Variants in KANSL1 observed in about 807,000 individuals in gnomAD.
KANSL1 encodes MLL1/MLL complex subunit KANSL1.
Under a neutral mutation model 103.6 loss-of-function variants are expected in KANSL1, and 22 were observed. The observed-to-expected ratio is 0.21, with a 90% CI of 0.15 to 0.30. The LOEUF is 0.30. KANSL1 is among the 10% of genes least tolerant of loss of function. The pLI, the probability that KANSL1 is intolerant of heterozygous loss-of-function variation, is 1.00. For synonymous variants in KANSL1, 600 were observed against 527.6 expected (o/e 1.14, Z -1.88); for missense variants, 1,337 against 1,399.8 (o/e 0.96, Z 0.72).
At chr17:46,056,262 G>T (rs572793281) in intron 6 of KANSL1, among the ~76,000 whole-genome samples, 2 of 151,992 alleles carry the variant, frequency 1.3e-5, no homozygotes, top group Non-Finnish European at 2.9e-5. Flanking sequence ...GCCTCCCAAA[G>T]TGCTAGAATA....
chr17:46,066,565 G>A lies in KANSL1; in HGVS notation c.1820C>T (p.Pro607Leu), dbSNP rs1461203997. ...LSCKKRRLVRPNSIVPLSKKV... is the reference protein window; with the variant it reads ...LSCKKRRLVRLNSIVPLSKKV... ...CTTGGAAAGAGGAACGATGCTGTTG[G>A]GTCGAACAAGCCTCCGCTTCTTACA... The change falls in exon 6 of 15, where the codon CCC becomes CTC. Residue 607 changes from proline to leucine, a missense_variant. By Grantham distance (98) the Pro-to-Leu change is moderately conservative. Around this residue, in one of 2 missense-constraint regions of KANSL1, gnomAD observed 780 missense variants for 923.4 expected, o/e 0.84. Transcript: ENST00000432791. The A allele has an allele frequency of 6.2e-7, 1 of 1,613,302 alleles. No individual in the cohort carries two copies. The highest frequency in any genetic ancestry group is 1.3e-5 in the African/African-American group (1 of 74,908).
intron 2 of KANSL1, among the ~76,000 whole-genome samples, chr17:46,140,600 T>G (rs1344706269): frequency 6.6e-6 from 1 of 151,880 alleles, no homozygotes. Flanking sequence ...AAAATGAGAA[T>G]ACAATCCACA....
intron 2 of KANSL1, among the ~76,000 whole-genome samples, chr17:46,126,925 A>C (rs1302623267): frequency 6.8e-6 from 1 of 147,498 alleles, no homozygotes; most frequent in African/African-American, 2.4e-5. Context: ...ATCATTAGCC[A>C]AACTGTAACC....
chr17:46,125,878 G>C (rs369717582), intron 2 of KANSL1, among the ~76,000 whole-genome samples: 1 of 152,146 alleles, frequency 6.6e-6, no homozygotes, highest in Non-Finnish European at 1.5e-5. Context: ...ACTAAAAATA[G>C]TTACCTCTTA....
Position 46,064,053 on chromosome 17 carries a change from T to TAAAA in KANSL1, c.1848+2480_1848+2483dup, listed in dbSNP as rs58111244. ...TCTTTTAGAGATATACGACTATTAG[T>TAAAA]AAAAAAAAAAAAAAAAAACAAAAAA... On this transcript the variant is annotated intron_variant, in intron 6 of 14. Transcript: ENST00000432791. Among the ~76,000 whole-genome samples the TAAAA allele has an allele frequency of 1.3e-3, 134 of 105,712 alleles. 1 individual carries two copies. Among genetic ancestry groups the TAAAA allele is most frequent in the African/African-American group, 4.2e-3 (120 of 28,644 alleles). The allele number at this position is 105,712 out of a possible 152,430, so 69.4% of individuals were successfully genotyped here. A position where few individuals can be genotyped will look rare whatever the true frequency, so the allele number is the denominator to read the frequency against.
chr17:46,193,479 A>C (rs1203508341), upstream of KANSL1: 1 of 150,344 alleles, frequency 6.7e-6, no homozygotes, highest in Non-Finnish European at 1.5e-5. Context: ...GAGGAGGGAC[A>C]GCAGCGCCTC....
chr17:46,087,318 G>A (rs967468255), intron 3 of KANSL1, among the ~76,000 whole-genome samples: 2 of 152,156 alleles, frequency 1.3e-5, no homozygotes, highest in Non-Finnish European at 2.9e-5. Context: ...CCCAAGATAT[G>A]TAAGTTCACT....
At chr17:46,035,948 A>G (rs571330593) in intron 10 of KANSL1, 1 of 151,986 alleles carries the variant, frequency 6.6e-6, no homozygotes, top group South Asian at 2.1e-4. Context: ...TTAGAGCCAG[A>G]GATAGAGAGC....
At position 46,034,208 on chromosome 17, in the gene KANSL1, T is replaced by TG. The variant is rs1408738088; in HGVS notation, c.2618dup (p.Thr874AsnfsTer21). Reference sequence around the variant, plus strand: ...ATTGCAGTTTCTCTACGCGAGTTGTTGCAGCAACAGACATTGGGATGACAA... The same window carrying TG: ...ATTGCAGTTTCTCTACGCGAGTTGTTGGCAGCAACAGACATTGGGATGACAA... On this transcript the variant is annotated frameshift_variant, in exon 11 of 15. Transcript: ENST00000432791. LOFTEE classifies it high-confidence loss of function. 6.2e-7 allele frequency: 1 copy of TG among 1,614,060 alleles called. No individual in the cohort carries two copies. Among genetic ancestry groups the TG allele is most frequent in the Non-Finnish European group, 8.5e-7 (1 of 1,180,032 alleles).
At chr17:46,190,055 C>T (rs575092051) in intron 1 of KANSL1, among the ~76,000 whole-genome samples, 1 of 152,292 alleles carries the variant, frequency 6.6e-6, no homozygotes, top group East Asian at 1.9e-4. Flanking sequence ...CAAATCAGGT[C>T]ATAACGAACA....
chr17:46,066,551 G>T lies in KANSL1; in HGVS notation c.1834C>A (p.Pro612Thr). 1 of 1,612,258 alleles carries T rather than the reference G, an allele frequency of 6.2e-7. No individual in the cohort carries two copies. ...RRLVRPNSIV[P>T]LSKKVHRNST... Reference sequence around the variant, plus strand: ...TCTGTACCGACCTTCTTGGAAAGAGGAACGATGCTGTTGGGTCGAACAAGC... The same window carrying T: ...TCTGTACCGACCTTCTTGGAAAGAGTAACGATGCTGTTGGGTCGAACAAGC... The change falls in exon 6 of 15, where the codon CCT becomes ACT. Residue 612 changes from proline to threonine, a missense_variant. Physicochemically the swap from Pro to Thr is conservative, Grantham distance 38 (BLOSUM62 -1). This residue lies in a region of KANSL1 where 780 missense variants were observed against 923.4 expected (regional missense o/e 0.84). Transcript: ENST00000432791.
At chr17:46,201,048 A>T (rs2047788236) in intron 1 of KANSL1, among the ~76,000 whole-genome samples, 2 of 152,060 alleles carry the variant, frequency 1.3e-5, no homozygotes, top group South Asian at 4.1e-4. Flanking sequence ...AGTAGGTGGG[A>T]CTACAGGCGC....
At chr17:46,183,300 C>T (rs1046392128) in intron 1 of KANSL1, among the ~76,000 whole-genome samples, 24 of 152,020 alleles carry the variant, frequency 1.6e-4, no homozygotes, top group Admixed American at 1.6e-3. Context: ...TAAATGATGG[C>T]CTACCATGGT....
At chr17:46,152,519 C>T (rs2045166776) in intron 2 of KANSL1, among the ~76,000 whole-genome samples, 1 of 147,148 alleles carries the variant, frequency 6.8e-6, no homozygotes, top group Non-Finnish European at 1.5e-5. Flanking sequence ...CATTTAGCCT[C>T]AACTGTTACA....
Position 46,039,740 on chromosome 17 carries a change from T to G in KANSL1, c.2165A>C (p.Asp722Ala). The G allele has an allele frequency of 6.2e-7, 1 of 1,614,174 alleles. No individual in the cohort carries two copies. Among genetic ancestry groups the G allele is most frequent in the Non-Finnish European group, 8.5e-7 (1 of 1,180,014 alleles). ...PGSLPDSARK[D>A]RHKLVSSFLT... ...GAAGGAGCTGACCAATTTGTGCCTGTCCTTACGAGCTGAATCTGGCAGACT... is the reference window on the plus strand; with the variant it reads ...GAAGGAGCTGACCAATTTGTGCCTGGCCTTACGAGCTGAATCTGGCAGACT... The change falls in exon 8 of 15, where the codon GAC (aspartate) becomes GCC (alanine). Residue 722 changes from aspartate (D) to alanine (A), a missense_variant. Asp to Ala is a moderately radical substitution (Grantham distance 126, BLOSUM62 -2). Transcript: ENST00000432791.
chr17:46,066,488 G>A (rs1216648054), intron 6 of KANSL1, 49 bp downstream of exon 6: 3 of 1,488,736 alleles, frequency 2.0e-6, no homozygotes, highest in Middle Eastern at 2.5e-4. Flanking sequence ...AACTCTATCT[G>A]AGCATCTGGC....
chr17:46,094,293 C>G, intron 3 of KANSL1: 1 of 441,726 alleles, frequency 2.3e-6, no homozygotes, highest in Non-Finnish European at 3.9e-6. Context: ...GACAAGGTCT[C>G]ACTATGTTGC....
intron 1 of KANSL1, among the ~76,000 whole-genome samples, chr17:46,200,685 C>T (rs548490522): frequency 2.0e-5 from 3 of 152,136 alleles, no homozygotes; most frequent in South Asian, 2.1e-4. Context: ...GAGCTTGCAG[C>T]GAGCGGAGAT....
rs796052585 is a variant in KANSL1 at position 46,050,616 on chromosome 17, G to A, written c.1937C>T (p.Pro646Leu). The A allele has an allele frequency of 3.1e-6, 5 of 1,614,146 alleles. 1 individual carries two copies. Among genetic ancestry groups the A allele is most frequent in the Middle Eastern group, 1.6e-4 (1 of 6,062 alleles). Residue 646 changes from proline (P) to leucine (L), a missense_variant, in exon 7 of 15, where the codon CCC becomes CTC. Pro to Leu is a moderately conservative substitution (Grantham distance 98). Around this residue, in one of 2 missense-constraint regions of KANSL1, gnomAD observed 780 missense variants for 923.4 expected, o/e 0.84. Coordinates refer to ENST00000432791, the MANE Select transcript of KANSL1 (RefSeq NM_015443.4). Reference sequence around the variant, plus strand: ...CAGAGGGGCTTCATAGTGAATTTCGGGAGGCATGGTGTTGATGCTGCCTGA... The same window carrying A: ...CAGAGGGGCTTCATAGTGAATTTCGAGAGGCATGGTGTTGATGCTGCCTGA... ...CGSGSINTMP[P>L]EIHYEAPLLE... is the part of the protein sequence containing the mutation.
Sources: gnomAD v4.1 joint callset for allele counts (sites outside exome capture counted in the v4.1 genomes callset) on GRCh38, gnomAD v4.1.1 for gene constraint, gnomAD v4.1.1 regional missense constraint, MANE v1.5 for transcripts, NCBI Gene and HGNC (gene_info 2026-07-23, HGNC 2026-07-21) for gene names.